The following CCDC88C variants were observed in gnomAD, a reference collection of about 807,000 sequenced individuals.
The protein encoded by CCDC88C is protein Daple.
Under a neutral mutation model 198.8 loss-of-function variants are expected in CCDC88C, and 131 were observed. That is an observed-to-expected ratio of 0.66 (90% CI 0.57 to 0.76). CCDC88C has a LOEUF of 0.76. Ranked by LOEUF, CCDC88C falls within the 30% of genes least tolerant of loss-of-function variation. The pLI is 0.00. For synonymous variants in CCDC88C, 1,166 were observed against 1,114.7 expected (o/e 1.05, Z -0.92); for missense variants, 2,553 against 2,631.6 (o/e 0.97, Z 0.65).
intron 3 of CCDC88C, among the ~76,000 whole-genome samples, chr14:91,396,537 T>A (rs1318452361): frequency 2.0e-5 from 3 of 152,096 alleles, no homozygotes; most frequent in Non-Finnish European, 2.9e-5. Context: ...GAACGAGAGC[T>A]AACTAAGAAT....
intron 25 of CCDC88C, among the ~76,000 whole-genome samples, chr14:91,287,130 A>T (rs1890443369): frequency 6.6e-6 from 1 of 152,220 alleles, no homozygotes; most frequent in Non-Finnish European, 1.5e-5. Flanking sequence ...CCACTTAAAG[A>T]GTAATACAAG....
At chr14:91,287,796 G>T (rs1188189994) in intron 25 of CCDC88C, among the ~76,000 whole-genome samples, 1 of 152,076 alleles carries the variant, frequency 6.6e-6, no homozygotes, top group Admixed American at 6.6e-5. Context: ...TGGGTCTCAG[G>T]CATAGGCTGG....
intron 3 of CCDC88C, among the ~76,000 whole-genome samples, chr14:91,405,389 A>T (rs1886429553): frequency 6.6e-6 from 1 of 152,222 alleles, no homozygotes; most frequent in Non-Finnish European, 1.5e-5. Context: ...CACCCCAGTC[A>T]GAGTAAGGAA....
intron 5 of CCDC88C, among the ~76,000 whole-genome samples, chr14:91,343,269 T>A (rs1018144434): frequency 1.3e-5 from 2 of 152,186 alleles, no homozygotes; most frequent in Admixed American, 1.3e-4. Flanking sequence ...AATAAAACTT[T>A]ATTTACAAAT....
At position 91,384,483 on chromosome 14, in the gene CCDC88C, C is replaced by A; in HGVS notation, c.270+24176G>T. ...TTGGGTCATAGTCTGGATCATTTTC[C>A]TCATCTCCTCCTTCTTCCCCTTCCT... On this transcript the variant is annotated intron_variant, in intron 3 of 29. Coordinates refer to ENST00000389857, the MANE Select transcript of CCDC88C (RefSeq NM_001080414.4). 3 of 525,256 alleles carry A rather than the reference C, an allele frequency of 5.7e-6. No homozygotes were observed. In the Admixed American group the frequency reaches 5.8e-5, roughly 10 times the overall value. 32.5% of individuals were successfully genotyped at this position (525,256 alleles called of 1,614,324 possible).
At chr14:91,289,857 G>A (rs752615319) in intron 24 of CCDC88C, among the ~76,000 whole-genome samples, 4 of 152,080 alleles carry the variant, frequency 2.6e-5, no homozygotes, top group Non-Finnish European at 4.4e-5. Context: ...ATCCTGGTGT[G>A]ACATGAAGAG....
chr14:91,297,573 A>C, intron 21 of CCDC88C, 82 bp from the exon 22 acceptor site: 1 of 1,404,970 alleles, frequency 7.1e-7, no homozygotes, highest in Middle Eastern at 1.8e-4. Context: ...GCTATGTCCC[A>C]GCTCTGACAG....
intron 3 of CCDC88C, chr14:91,379,881 C>T: frequency 1.4e-6 from 1 of 703,068 alleles, no homozygotes; most frequent in Non-Finnish European, 2.6e-6. Context: ...GAAAAAGGGT[C>T]TATCCTGAAA....
At position 91,277,938 on chromosome 14, in the gene CCDC88C, C is replaced by A. The variant is rs375999190; in HGVS notation, c.5042G>T (p.Arg1681Leu). The change falls in exon 29 of 30, where the codon CGC becomes CTC. Residue 1681 changes from arginine (R) to leucine (L), a missense_variant. By Grantham distance (102) the Arg-to-Leu change is moderately radical. Around this residue, in one of 2 missense-constraint regions of CCDC88C, gnomAD observed 1,293 missense variants for 1,219.6 expected, o/e 1.06. Coordinates refer to ENST00000389857, the MANE Select transcript of CCDC88C (RefSeq NM_001080414.4). ...TLEEFLEESN[R>L]SSPTHDTPSC... is the part of the protein sequence containing the mutation. ...ATCACTCACATGGGTGGGGGAGCTG[C>A]GGTTGCTCTCCTCCAGGAACTCCTC... 8.6e-6 allele frequency: 13 copies of A among 1,512,418 alleles called. No homozygotes were observed. The highest frequency in any genetic ancestry group is 1.4e-5 in the African/African-American group (1 of 72,374). The allele number at this position is 1,512,418 out of a possible 1,614,324, so 93.7% of individuals were successfully genotyped here.
At chr14:91,353,645 T>C (rs1352831729) in intron 4 of CCDC88C, among the ~76,000 whole-genome samples, 1 of 151,996 alleles carries the variant, frequency 6.6e-6, no homozygotes, top group Non-Finnish European at 1.5e-5. Context: ...GTAGATAGAG[T>C]TCTGCACTCA....
intron 10 of CCDC88C, among the ~76,000 whole-genome samples, chr14:91,332,652 G>A (rs180759422): frequency 2.6e-5 from 4 of 152,298 alleles, no homozygotes; most frequent in Admixed American, 2.6e-4. Context: ...GTACCTGCAA[G>A]TGCTGCACCA....
intron 4 of CCDC88C, among the ~76,000 whole-genome samples, chr14:91,344,333 T>C (rs1596093015): frequency 1.3e-5 from 2 of 152,270 alleles, no homozygotes; most frequent in African/African-American, 4.8e-5. Flanking sequence ...AACCTTCCCC[T>C]TTTTATTATG....
rs961262401 is a variant in CCDC88C at position 91,284,011 on chromosome 14, C to A, written c.4442-494G>T. ...TATTCTGTTTTTTCAAAAAGGGAAG[C>A]CTTAATCTCTGCATGGTGAGACGAA... is the stretch of plus-strand genomic sequence containing the variant. On this transcript the variant is annotated intron_variant, in intron 25 of 29. Coordinates refer to ENST00000389857, the MANE Select transcript of CCDC88C (RefSeq NM_001080414.4). The surrounding 1 kb of genome is among the most constrained non-coding windows in gnomAD (Gnocchi z 4.1). 2.6e-5 allele frequency among the ~76,000 whole-genome samples: 4 copies of A among 152,152 alleles called. No homozygotes were observed. The South Asian group carries it at 8.3e-4, about 32-fold the overall frequency.
intron 3 of CCDC88C, among the ~76,000 whole-genome samples, chr14:91,400,719 G>T (rs984966250): frequency 1.3e-5 from 2 of 152,200 alleles, no homozygotes; most frequent in Admixed American, 6.5e-5. Context: ...ATAGCAATTT[G>T]TTAAAATAGC....
At chr14:91,343,761 A>G in intron 4 of CCDC88C, 104 bp from the exon 5 acceptor site, 2 of 1,313,920 alleles carry the variant, frequency 1.5e-6, no homozygotes, top group Non-Finnish European at 2.1e-6. Context: ...TCATCTCTCT[A>G]CTCTGTGACA....
At chr14:91,346,743 A>G (rs565768796) in intron 4 of CCDC88C, among the ~76,000 whole-genome samples, 15 of 152,300 alleles carry the variant, frequency 9.8e-5, no homozygotes, top group African/African-American at 3.4e-4. Flanking sequence ...TACCAAAGGT[A>G]CAAAAATTAG....
intron 16 of CCDC88C, among the ~76,000 whole-genome samples, chr14:91,309,227 C>G (rs868406349): frequency 6.6e-6 from 1 of 152,034 alleles, no homozygotes; most frequent in Non-Finnish European, 1.5e-5. Context: ...AGTGACACTT[C>G]GTCTCAAAAC....
chr14:91,379,957 A>C, intron 3 of CCDC88C: 1 of 701,474 alleles, frequency 1.4e-6, no homozygotes, highest in South Asian at 1.5e-5. Context: ...CACTACGGGG[A>C]TATCGAAAGG....
At chr14:91,346,630 C>T (rs1373715971) in intron 4 of CCDC88C, among the ~76,000 whole-genome samples, 1 of 152,146 alleles carries the variant, frequency 6.6e-6, no homozygotes, top group African/African-American at 2.4e-5. Flanking sequence ...AGGGGCTGGG[C>T]ACAGTGGCTC....
Sources: gnomAD v4.1 joint callset for allele counts (sites outside exome capture counted in the v4.1 genomes callset) on GRCh38, gnomAD v4.1.1 for gene constraint, gnomAD v4.1.1 regional missense constraint, Gnocchi (gnomAD v3.1) non-coding constraint, MANE v1.5 for transcripts, NCBI Gene and HGNC (gene_info 2026-07-23, HGNC 2026-07-21) for gene names.